POTEI: variants seen among roughly 807,000 people sequenced by gnomAD.
POTEI encodes the protein POTE ankyrin domain family member I.
Under a neutral mutation model 43.4 loss-of-function variants are expected in POTEI, and 14 were observed. The ratio of observed to expected loss-of-function variants is 0.32; its 90% CI spans 0.21 to 0.50. The LOEUF is 0.50. Ranked by LOEUF, POTEI falls within the 20% of genes least tolerant of loss-of-function variation. The pLI, the probability that POTEI is intolerant of heterozygous loss-of-function variation, is 0.98. For missense variants in POTEI, 235 were observed against 795.4 expected, an observed-to-expected ratio of 0.30 and a Z score of 8.47; for synonymous variants, 95 against 297.9, an observed-to-expected ratio of 0.32 and a Z score of 7.01.
At position 130,477,502 on chromosome 2, in the gene POTEI, A is replaced by G. The variant is rs530642786; in HGVS notation, c.1481-801T>C. ...CCTTGATTTTGCATGTCTTTCCCCA[A>G]ATAAACAGGTACCTCCTTCCTTGAG... On this transcript the variant is annotated intron_variant, in intron 10 of 14. Transcript: ENST00000451531. 8.8e-4 allele frequency among the ~76,000 whole-genome samples: 133 copies of G among 150,818 alleles called. 1 individual carries two copies. Among genetic ancestry groups the G allele is most frequent in the South Asian group, 1.5e-3 (7 of 4,772 alleles).
Position 130,470,517 on chromosome 2 carries a change from T to C in POTEI, c.1778+3861A>G, listed in dbSNP as rs1435733151. On this transcript the variant is annotated intron_variant, in intron 13 of 14. Coordinates refer to ENST00000451531, the MANE Select transcript of POTEI (RefSeq NM_001277406.2). ...AACAGAGTTGATGTCAAGACACAAA[T>C]AGGTTTGAAGTTAGAGATGATAAAT... 5.5e-4 allele frequency among the ~76,000 whole-genome samples: 4 copies of C among 7,300 alleles called. 2 individuals are homozygous for C. The highest frequency in any genetic ancestry group is 5.9e-4 in the African/African-American group (4 of 6,782). 4.8% of individuals were successfully genotyped at this position (7,300 alleles called of 152,430 possible). A position where few individuals can be genotyped will look rare whatever the true frequency, so the allele number is the denominator to read the frequency against.
chr2:130,507,305 T>TACACACACACAC (rs1684195618), intron 1 of POTEI, among the ~76,000 whole-genome samples: 4 of 16,596 alleles, frequency 2.4e-4, no homozygotes, highest in African/African-American at 4.3e-4. Flanking sequence ...TATATATATA[T>TACACACACACAC]ATATATATAT....
At chr2:130,467,621 A>G (rs1172041043) in intron 13 of POTEI, among the ~76,000 whole-genome samples, 1 of 151,630 alleles carries the variant, frequency 6.6e-6, no homozygotes, top group Non-Finnish European at 1.5e-5. Context: ...ATAAATAAAT[A>G]AGACCTAATT....
At chr2:130,479,158 T>G (rs1370313752) in intron 10 of POTEI, among the ~76,000 whole-genome samples, 1 of 142,062 alleles carries the variant, frequency 7.0e-6, no homozygotes, top group Non-Finnish European at 1.5e-5. Flanking sequence ...TCATATTGAC[T>G]ATACCTCTCT....
chr2:130,470,086 C>A, intron 13 of POTEI, among the ~76,000 whole-genome samples: 1 of 106,796 alleles, frequency 9.4e-6, no homozygotes, highest in Non-Finnish European at 1.9e-5. Context: ...ATATAATTAC[C>A]AGGCAAAATT....
At chr2:130,507,317 TACAC>T (rs56343526) in intron 1 of POTEI, among the ~76,000 whole-genome samples, 217 of 12,988 alleles carry the variant, frequency 0.017, 11 homozygotes, top group East Asian at 0.045. Flanking sequence ...TATATATATA[TACAC>T]ACACACACAC....
chr2:130,491,758 G>A lies in POTEI; in HGVS notation c.1127-1018C>T, dbSNP rs1243909656. Among the ~76,000 whole-genome samples, 10 of 104,980 alleles carry A rather than the reference G, an allele frequency of 9.5e-5. No individual in the cohort carries two copies. In the South Asian group the frequency reaches 2.6e-3, roughly 27 times the overall value. The allele number at this position is 104,980 out of a possible 152,430, so 68.9% of individuals were successfully genotyped here. On this transcript the variant is annotated intron_variant, in intron 6 of 14. Coordinates refer to ENST00000451531, the MANE Select transcript of POTEI (RefSeq NM_001277406.2). ...ACCTCTGACACTCCCTGGTTCAAGC[G>A]ATTCTCCTGTCTCAGTCTCCGGAGA...
rs1318825809 is a variant in POTEI, at chr2:130,476,210, T to A, written c.1551+421A>T. Among the ~76,000 whole-genome samples, 6 of 30,802 alleles carry A rather than the reference T, an allele frequency of 1.9e-4. 2 individuals are homozygous for A. Among genetic ancestry groups the A allele is most frequent in the African/African-American group, 2.4e-4 (2 of 8,410 alleles). 20.2% of individuals were successfully genotyped at this position (30,802 alleles called of 152,430 possible). A position where few individuals can be genotyped will look rare whatever the true frequency, so the allele number is the denominator to read the frequency against. ...AACCTATTAAAATATATATATATAT[T>A]TTTTTCAGATGGAGTCTTGCTCTGT... On this transcript the variant is annotated intron_variant, in intron 11 of 14. Coordinates refer to ENST00000451531, the MANE Select transcript of POTEI (RefSeq NM_001277406.2).
rs1573917495 is a variant in POTEI, at chr2:130,476,641, C to T, written c.1541G>A (p.Gly514Asp). ...ESQRLKGSEN[G>D]QPEKRSQEPE... is the part of the protein sequence containing the mutation. ...TAAAAGTTTCCATGCCTCTGGCTGG[C>T]CATTTTCACTGCCTTTAAGCCTTTG... The change falls in exon 11 of 15, where the codon GGC (glycine) becomes GAC (aspartate). Residue 514 changes from glycine to aspartate, a missense_variant. Transcript: ENST00000451531. 1.1e-5 allele frequency: 2 copies of T among 184,564 alleles called. No individual in the cohort carries two copies. The highest frequency in any genetic ancestry group is 2.8e-4 in the East Asian group (2 of 7,076). The allele number at this position is 184,564 out of a possible 1,614,324, so 11.4% of individuals were successfully genotyped here.
intron 5 of POTEI, among the ~76,000 whole-genome samples, chr2:130,498,016 C>T (rs1435696066): frequency 7.1e-4 from 101 of 141,382 alleles, no homozygotes; most frequent in African/African-American, 1.9e-3. Context: ...GTAGCTTCCA[C>T]GATTTTCATT....
intron 10 of POTEI, among the ~76,000 whole-genome samples, chr2:130,477,421 G>T (rs1157835934): frequency 6.7e-6 from 1 of 149,674 alleles, no homozygotes; most frequent in African/African-American, 2.5e-5. Flanking sequence ...TTACAGGTGT[G>T]AGCCACCACA....
rs1222347879 is a variant in POTEI at position 130,461,199 on chromosome 2, G to A, written c.*1617C>T. On this transcript the variant is annotated 3_prime_UTR_variant, in exon 15 of 15. Coordinates refer to ENST00000451531, the MANE Select transcript of POTEI (RefSeq NM_001277406.2). ...GCTTCAAAAAGAAAAGTCTGGCCAC[G>A]TTTTTATAGAGCAGCTGTGCTGTGC... The A allele has an allele frequency of 5.3e-5, 8 of 151,542 alleles. No homozygotes were observed. The highest frequency in any genetic ancestry group is 1.9e-4 in the East Asian group (1 of 5,172). 9.4% of individuals were successfully genotyped at this position (151,542 alleles called of 1,614,324 possible).
chr2:130,477,342 T>A (rs1683234310), intron 10 of POTEI, among the ~76,000 whole-genome samples: 1 of 144,492 alleles, frequency 6.9e-6, no homozygotes, highest in Admixed American at 6.8e-5. Flanking sequence ...TTAGTAGAGA[T>A]GGGGTTTCAC....
intron 13 of POTEI, among the ~76,000 whole-genome samples, chr2:130,467,719 A>G (rs1682882896): frequency 6.6e-6 from 1 of 152,108 alleles, no homozygotes; most frequent in South Asian, 2.1e-4. Flanking sequence ...TGACGCTAAC[A>G]AACGACTAAT....
chr2:130,464,804 C>A (rs1228706603), intron 14 of POTEI, among the ~76,000 whole-genome samples: 92 of 148,646 alleles, frequency 6.2e-4, no homozygotes, highest in Non-Finnish European at 9.5e-4. Flanking sequence ...CATTTAAGAT[C>A]GCGATTCTTA....
intron 11 of POTEI, among the ~76,000 whole-genome samples, 152 bp from the exon 12 acceptor site, chr2:130,475,103 AAAT>A (rs1413080482): frequency 7.2e-6 from 1 of 139,734 alleles, no homozygotes; most frequent in Non-Finnish European, 1.5e-5. Flanking sequence ...CTGTTTAAAT[AAAT>A]AATAATTAAA....
At chr2:130,496,765 A>G (rs1573935227) in intron 5 of POTEI, 143 bp from the exon 6 acceptor site, 3 of 533,606 alleles carry the variant, frequency 5.6e-6, no homozygotes, top group Non-Finnish European at 1.0e-5. Context: ...TTATGAGTAC[A>G]TTCTACAAAC....
At position 130,508,783 on chromosome 2, in the gene POTEI, T is replaced by A; in HGVS notation, c.453A>T (p.Lys151Asn). The A allele has an allele frequency of 6.8e-7, 1 of 1,469,304 alleles. No homozygotes were observed. The highest frequency in any genetic ancestry group is 9.1e-7 in the Non-Finnish European group (1 of 1,101,644). 91.0% of individuals were successfully genotyped at this position (1,469,304 alleles called of 1,614,324 possible). A position where few individuals can be genotyped will look rare whatever the true frequency, so the allele number is the denominator to read the frequency against. ...TGACGATCAGATCCTTTCTGGCGACTTTACCCCACCAGGCAGCTCTGTGGA... is the reference window on the plus strand; with the variant it reads ...TGACGATCAGATCCTTTCTGGCGACATTACCCCACCAGGCAGCTCTGTGGA... ...DKLHRAAWWG[K>N]VARKDLIVML... The change falls in exon 1 of 15, where the codon AAA becomes AAT. Residue 151 changes from lysine to asparagine, a missense_variant. By Grantham distance (94) the Lys-to-Asn change is moderately conservative (BLOSUM62 0). Transcript: ENST00000451531.
At chr2:130,484,603 C>G (rs1376072134) in intron 9 of POTEI, among the ~76,000 whole-genome samples, 3 of 89,076 alleles carry the variant, frequency 3.4e-5, no homozygotes, top group South Asian at 4.3e-4. Context: ...TCTTTAAGCA[C>G]TAGGGGTAGA....
Sources: gnomAD v4.1 joint callset for allele counts (sites outside exome capture counted in the v4.1 genomes callset) on GRCh38, gnomAD v4.1.1 for gene constraint, MANE v1.5 for transcripts, NCBI Gene and HGNC (gene_info 2026-07-23, HGNC 2026-07-21) for gene names.